The following ERC2 variants were observed in gnomAD, a reference collection of about 807,000 sequenced individuals.
ERC2 encodes the protein ERC protein 2.
Under a neutral mutation model 114.8 loss-of-function variants are expected in ERC2, and 42 were observed. The observed-to-expected ratio is 0.37, with a 90% confidence interval of 0.29 to 0.47. The LOEUF (loss-of-function observed/expected upper bound fraction) is 0.47. Among genes scored for constraint, ERC2 ranks in the 20% least tolerant of loss-of-function variants. The pLI, the probability that ERC2 is intolerant of heterozygous loss-of-function variation, is 0.99. For missense variants in ERC2, 939 were observed against 1,150.7 expected (o/e 0.82, Z 2.66); for synonymous variants, 454 against 425.5 (o/e 1.07, Z -0.82).
At chr3:56,189,531 A>G (rs753551357) in intron 3 of ERC2, among the ~76,000 whole-genome samples, 5 of 152,220 alleles carry the variant, frequency 3.3e-5, no homozygotes, top group South Asian at 4.1e-4. Context: ...GCTGTTCTGC[A>G]TCAAACTAAG....
chr3:55,646,435 G>C (rs1310056308), intron 17 of ERC2, among the ~76,000 whole-genome samples: 1 of 152,124 alleles, frequency 6.6e-6, no homozygotes, highest in East Asian at 1.9e-4. Flanking sequence ...TTATACTCTT[G>C]TGTTACTTCC....
At chr3:56,203,868 A>T (rs921330482) in intron 3 of ERC2, among the ~76,000 whole-genome samples, 1 of 152,156 alleles carries the variant, frequency 6.6e-6, no homozygotes. Context: ...CTGACAAGAG[A>T]TGTCTTACAT....
chr3:55,584,649 A>G (rs1330841696), intron 17 of ERC2, among the ~76,000 whole-genome samples: 1 of 152,176 alleles, frequency 6.6e-6, no homozygotes, highest in Non-Finnish European at 1.5e-5. Flanking sequence ...GTAAACCCTC[A>G]TGGGTGGAAG....
intron 17 of ERC2, among the ~76,000 whole-genome samples, chr3:55,555,548 C>T (rs2055544031): frequency 6.6e-6 from 1 of 152,200 alleles, no homozygotes; most frequent in Non-Finnish European, 1.5e-5. Context: ...GGCTGCCCAG[C>T]AAAATGGTTA....
At chr3:56,225,792 G>T (rs913172105) in intron 3 of ERC2, among the ~76,000 whole-genome samples, 1 of 152,094 alleles carries the variant, frequency 6.6e-6, no homozygotes, top group African/African-American at 2.4e-5. Flanking sequence ...AACATCAAAG[G>T]GAAAGGAAGT....
intron 6 of ERC2, among the ~76,000 whole-genome samples, chr3:56,120,040 C>T (rs181794072): frequency 6.6e-6 from 1 of 152,260 alleles, no homozygotes; most frequent in East Asian, 1.9e-4. Flanking sequence ...CTTTGGTTTA[C>T]TAAGATGTTT....
rs557903839 is a variant in ERC2, at chr3:56,035,013, C to T, written c.1642-15982G>A. Among the ~76,000 whole-genome samples, 42 of 150,992 alleles carry T rather than the reference C, an allele frequency of 2.8e-4. 2 individuals carry two copies. The South Asian group carries it at 7.9e-3, about 29-fold the overall frequency. On this transcript the variant is annotated intron_variant, in intron 7 of 17. Transcript: ENST00000288221. Reference sequence around the variant, plus strand: ...ATAAAATTAAGTTTAGAAAAACAACCGAAAGAACAAAAAAACTAAGAGTTT... The same window carrying T: ...ATAAAATTAAGTTTAGAAAAACAACTGAAAGAACAAAAAAACTAAGAGTTT...
intron 14 of ERC2, among the ~76,000 whole-genome samples, chr3:55,747,526 G>A (rs143130464): frequency 2.6e-5 from 4 of 152,320 alleles, no homozygotes; most frequent in East Asian, 3.9e-4. Flanking sequence ...TTTATTCCAC[G>A]CCGTAAGGAA....
chr3:56,431,478 G>A (rs952638172), intron 2 of ERC2, among the ~76,000 whole-genome samples: 2 of 152,162 alleles, frequency 1.3e-5, no homozygotes, highest in Non-Finnish European at 2.9e-5. Context: ...CTGAGTCACT[G>A]CATGGAAAAG....
chr3:56,416,057 A>C (rs2061141121), intron 2 of ERC2, among the ~76,000 whole-genome samples: 1 of 152,230 alleles, frequency 6.6e-6, no homozygotes, highest in East Asian at 1.9e-4. Context: ...TGTATTCAGT[A>C]TGATGATGCA....
chr3:56,176,917 T>C (rs1042733209), intron 3 of ERC2, among the ~76,000 whole-genome samples: 2 of 152,174 alleles, frequency 1.3e-5, no homozygotes, highest in African/African-American at 4.8e-5. Flanking sequence ...AGCAACGCGA[T>C]CAACTTTCAT....
intron 14 of ERC2, among the ~76,000 whole-genome samples, chr3:55,752,082 C>A (rs188055324): frequency 3.3e-5 from 5 of 152,314 alleles, no homozygotes; most frequent in Admixed American, 1.3e-4. Flanking sequence ...TTTGTTACAA[C>A]CTCCAGGCTT....
chr3:55,893,912 A>G, intron 13 of ERC2, among the ~76,000 whole-genome samples: 1 of 152,114 alleles, frequency 6.6e-6, no homozygotes, highest in East Asian at 1.9e-4. Flanking sequence ...CTTACCCCTA[A>G]GTGAGGACAT....
In ERC2 at chr3:56,210,143, G is replaced by A. The variant is rs181726784; in HGVS notation, c.1075-36623C>T. On this transcript the variant is annotated intron_variant, in intron 3 of 17. Coordinates refer to ENST00000288221, the MANE Select transcript of ERC2 (RefSeq NM_015576.3). ...CTGACAATAGTTCTCTTTTGTGCAA[G>A]AGCGAACTACCTGGGGGCTGATAAA... 2.6e-5 allele frequency among the ~76,000 whole-genome samples: 4 copies of A among 152,296 alleles called. No individual in the cohort carries two copies. The East Asian group carries it at 7.7e-4, about 29-fold the overall frequency.
intron 2 of ERC2, among the ~76,000 whole-genome samples, chr3:56,374,452 T>C (rs761434548): frequency 1.3e-5 from 2 of 152,180 alleles, no homozygotes; most frequent in Admixed American, 6.5e-5. Context: ...ATGTATTACT[T>C]ATTACACTTA....
intron 6 of ERC2, among the ~76,000 whole-genome samples, chr3:56,113,372 C>A (rs1221456935): frequency 6.6e-6 from 1 of 152,158 alleles, no homozygotes; most frequent in Non-Finnish European, 1.5e-5. Flanking sequence ...CACTAAGGAG[C>A]ATCAGTCCCT....
At chr3:55,811,140 T>C (rs971609182) in intron 14 of ERC2, among the ~76,000 whole-genome samples, 2 of 112,332 alleles carry the variant, frequency 1.8e-5, no homozygotes, top group Admixed American at 2.0e-4. Context: ...TAGGATTAAC[T>C]TTTAATTTGC....
intron 2 of ERC2, among the ~76,000 whole-genome samples, chr3:56,374,291 G>A (rs995784875): frequency 6.6e-6 from 1 of 152,096 alleles, no homozygotes; most frequent in African/African-American, 2.4e-5. Context: ...TAGAGACGGG[G>A]TTTCAGCGTG....
chr3:55,791,652 C>T (rs972944898), intron 14 of ERC2, among the ~76,000 whole-genome samples: 2 of 152,146 alleles, frequency 1.3e-5, no homozygotes, highest in Non-Finnish European at 2.9e-5. Flanking sequence ...ACCCATCAGG[C>T]ACAATTTTGA....
Sources: allele counts gnomAD v4.1 joint callset (sites outside exome capture counted in the v4.1 genomes callset), GRCh38; gene constraint gnomAD v4.1.1; transcripts MANE v1.5; gene names NCBI Gene and HGNC (gene_info 2026-07-23, HGNC 2026-07-21).